The following PTPRD variants were observed in gnomAD, a reference collection of about 807,000 sequenced individuals.
The protein encoded by PTPRD is protein tyrosine phosphatase receptor type D.
In PTPRD, 34 loss-of-function variants were observed where a neutral mutation model predicts 214.5. That is an observed-to-expected ratio of 0.16 (90% CI 0.12 to 0.21). PTPRD has a LOEUF of 0.21. Among genes scored for constraint, PTPRD ranks in the 10% least tolerant of loss-of-function variants. The pLI is 1.00. For synonymous variants in PTPRD, 1,128 were observed against 845.7 expected (o/e 1.33, Z -5.79); for missense variants, 2,545 against 2,398.7 (o/e 1.06, Z -1.27).
intron 2 of PTPRD, among the ~76,000 whole-genome samples, chr9:10,597,298 T>G (rs1361467306): frequency 6.6e-6 from 1 of 151,708 alleles, no homozygotes; most frequent in Non-Finnish European, 1.5e-5. Context: ...TATCTTTATA[T>G]CCTATAATAA....
At chr9:8,434,513 G>A (rs764454619) in intron 35 of PTPRD, among the ~76,000 whole-genome samples, 1 of 152,104 alleles carries the variant, frequency 6.6e-6, no homozygotes, top group Non-Finnish European at 1.5e-5. Flanking sequence ...GTCATCAAGT[G>A]GTGCATGACT....
chr9:10,175,085 C>G (rs914665630), intron 3 of PTPRD, among the ~76,000 whole-genome samples: 2 of 151,892 alleles, frequency 1.3e-5, no homozygotes, highest in Non-Finnish European at 2.9e-5. Context: ...ACAATAAAGC[C>G]TTAGGTATTG....
chr9:8,544,350 G>A (rs572218730), intron 14 of PTPRD, among the ~76,000 whole-genome samples: 1 of 151,264 alleles, frequency 6.6e-6, no homozygotes, highest in African/African-American at 2.4e-5. Flanking sequence ...CCAAAGTGCT[G>A]GGATTACAGG....
chr9:10,034,952 GCTAGTAA>G (rs2097151287), intron 3 of PTPRD, among the ~76,000 whole-genome samples: 1 of 151,838 alleles, frequency 6.6e-6, no homozygotes, highest in African/African-American at 2.4e-5. Context: ...TAATAGGATT[GCTAGTAA>G]TAGGATTGCT....
At chr9:10,365,594 C>T (rs534801480) in intron 2 of PTPRD, among the ~76,000 whole-genome samples, 4 of 152,180 alleles carry the variant, frequency 2.6e-5, no homozygotes, top group African/African-American at 9.6e-5. Flanking sequence ...TTTTCTGAGA[C>T]ACTCCAGATT....
At chr9:9,891,444 G>C (rs1335763227) in intron 5 of PTPRD, among the ~76,000 whole-genome samples, 1 of 151,526 alleles carries the variant, frequency 6.6e-6, no homozygotes, top group African/African-American at 2.4e-5. Flanking sequence ...TTAGCATGTA[G>C]AGAAAGCCAT....
intron 5 of PTPRD, among the ~76,000 whole-genome samples, chr9:9,889,765 C>T (rs2072518282): frequency 6.6e-6 from 1 of 151,676 alleles, no homozygotes; most frequent in African/African-American, 2.4e-5. Context: ...TTCTGTTGTG[C>T]TTGTCTCAGC....
At position 9,317,791 on chromosome 9, in the gene PTPRD, C is replaced by G. The variant is rs145200049; in HGVS notation, c.-203+79658G>C. 5.0e-3 allele frequency among the ~76,000 whole-genome samples: 768 copies of G among 152,168 alleles called. 4 individuals are homozygous for G. Among genetic ancestry groups the G allele is most frequent in the African/African-American group, 0.018 (731 of 41,524 alleles). ...ATATAAAATGGACCTGATCAAAATT[C>G]ATGATATTAATAATTTTTTTCATCC... On this transcript the variant is annotated intron_variant, in intron 9 of 45. Transcript: ENST00000381196.
intron 5 of PTPRD, among the ~76,000 whole-genome samples, chr9:9,936,064 T>C (rs1433645400): frequency 3.4e-5 from 5 of 147,644 alleles, no homozygotes; most frequent in Non-Finnish European, 5.9e-5. Flanking sequence ...TTACACCTTA[T>C]ACAAAAATCA....
chr9:10,266,320 T>G (rs2094055298), intron 3 of PTPRD, among the ~76,000 whole-genome samples: 1 of 152,212 alleles, frequency 6.6e-6, no homozygotes, highest in Non-Finnish European at 1.5e-5. Context: ...TGTGTATTAT[T>G]ATTTAATACA....
chr9:8,836,425 G>C (rs1326399360), intron 11 of PTPRD, among the ~76,000 whole-genome samples: 3 of 151,858 alleles, frequency 2.0e-5, no homozygotes, highest in Non-Finnish European at 2.9e-5. Context: ...AAATAAAAAA[G>C]TTTTTAACAT....
At chr9:8,969,520 C>A (rs1054344690) in intron 11 of PTPRD, among the ~76,000 whole-genome samples, 1 of 151,896 alleles carries the variant, frequency 6.6e-6, no homozygotes, top group Non-Finnish European at 1.5e-5. Context: ...CAGATCAAAG[C>A]AAAGGTAACA....
chr9:9,688,909 T>C (rs1283464421), intron 7 of PTPRD, among the ~76,000 whole-genome samples: 1 of 151,810 alleles, frequency 6.6e-6, no homozygotes, highest in Non-Finnish European at 1.5e-5. Context: ...TACTAATAGA[T>C]GGATATGTGA....
intron 10 of PTPRD, among the ~76,000 whole-genome samples, chr9:9,093,228 T>G (rs2099778796): frequency 6.6e-6 from 1 of 152,018 alleles, no homozygotes; most frequent in African/African-American, 2.4e-5. Flanking sequence ...AAATCCATAA[T>G]TATAGTTAGA....
At chr9:8,715,772 T>C (rs923679368) in intron 12 of PTPRD, among the ~76,000 whole-genome samples, 5 of 152,236 alleles carry the variant, frequency 3.3e-5, no homozygotes, top group Admixed American at 2.6e-4. Context: ...ATTTGATCTC[T>C]TTAATATTGA....
intron 3 of PTPRD, among the ~76,000 whole-genome samples, chr9:10,249,117 A>C (rs1230205224): frequency 6.6e-6 from 1 of 152,128 alleles, no homozygotes; most frequent in African/African-American, 2.4e-5. Flanking sequence ...AAAATCTTCA[A>C]CACCAGGTAA....
chr9:10,239,261 A>G lies in PTPRD; in HGVS notation c.-545+101702T>C, dbSNP rs542689961. Among the ~76,000 whole-genome samples the G allele has an allele frequency of 7.9e-5, 12 of 151,856 alleles. No homozygotes were observed. In the South Asian group the frequency reaches 2.3e-3, roughly 29 times the overall value. On this transcript the variant is annotated intron_variant, in intron 3 of 45. Transcript: ENST00000381196. ...AGGAATACTGCTGATGATGTTTGAT[A>G]GAATTATACAATGAATGTGACTAAA...
intron 2 of PTPRD, among the ~76,000 whole-genome samples, chr9:10,514,800 T>C (rs545073198): frequency 6.6e-6 from 1 of 152,168 alleles, no homozygotes; most frequent in Admixed American, 6.5e-5. Context: ...GGTCCCAAAA[T>C]GTATCCACAT....
At chr9:9,934,493 C>A (rs1472029503) in intron 5 of PTPRD, among the ~76,000 whole-genome samples, 1 of 148,262 alleles carries the variant, frequency 6.7e-6, no homozygotes, top group Admixed American at 6.7e-5. Flanking sequence ...GGATAAATTC[C>A]TCGACACATA....
Sources: gnomAD v4.1 joint callset for allele counts (sites outside exome capture counted in the v4.1 genomes callset) on GRCh38, gnomAD v4.1.1 for gene constraint, MANE v1.5 for transcripts, NCBI Gene and HGNC (gene_info 2026-07-23, HGNC 2026-07-21) for gene names.